Variants in NBPF9 observed in about 807,000 individuals in gnomAD.
NBPF9 encodes NBPF family member NBPF9.
A neutral mutation model predicts 97.8 loss-of-function variants in NBPF9; 91 were observed. The observed-to-expected ratio is 0.93, with a 90% confidence interval of 0.79 to 1.11. The LOEUF (loss-of-function observed/expected upper bound fraction) is 1.11. Among genes scored for constraint, NBPF9 ranks in the 50% least tolerant of loss-of-function variants. The probability of loss-of-function intolerance (pLI) is 0.00; values close to 1 mark genes in which losing one functional copy is unlikely to be tolerated. For synonymous variants in NBPF9, 334 were observed against 359.5 expected, an observed-to-expected ratio of 0.93 and a Z score of 0.80; for missense variants, 992 against 939.5, an observed-to-expected ratio of 1.06 and a Z score of -0.73.
At chr1:149,060,083 A>G in intron 24 of NBPF9, 1 of 295,202 alleles carries the variant, frequency 3.4e-6, no homozygotes, top group Non-Finnish European at 6.2e-6. Context: ...ATATTTTTCC[A>G]ATCAATTTAA....
intron 4 of NBPF9, among the ~76,000 whole-genome samples, chr1:149,095,727 G>A (rs2081714593): frequency 6.6e-6 from 1 of 152,014 alleles, no homozygotes; most frequent in African/African-American, 2.4e-5. Flanking sequence ...TTTGTTGTGA[G>A]GGAATTGCAC....
intron 11 of NBPF9, among the ~76,000 whole-genome samples, chr1:149,076,858 C>A (rs1289785624): frequency 6.6e-6 from 1 of 151,618 alleles, no homozygotes; most frequent in African/African-American, 2.4e-5. Flanking sequence ...GAGAGTCTAG[C>A]CTGACAGAAG....
chr1:149,059,699 C>T lies in NBPF9; in HGVS notation c.2585+1G>A. On this transcript the variant is annotated splice_donor_variant, in intron 25 of 29. Coordinates refer to ENST00000584027, the Ensembl canonical transcript of NBPF9. LOFTEE classifies it high-confidence loss of function. ...AAGGATCCAGAATTGCTGAAAGTCA[C>T]CTGGGGCATGGTGGGTTTTGATTTT... 2 of 566,516 alleles carry T rather than the reference C, an allele frequency of 3.5e-6. No individual in the cohort carries two copies. The highest frequency in any genetic ancestry group is 6.4e-6 in the Non-Finnish European group (2 of 314,724). The allele number at this position is 566,516 out of a possible 1,614,324, so 35.1% of individuals were successfully genotyped here. A position where few individuals can be genotyped will look rare whatever the true frequency, so the allele number is the denominator to read the frequency against.
rs1232635732 is a variant in NBPF9 at position 149,064,779 on chromosome 1, G to A, written c.1802-297C>T. Reference sequence around the variant, plus strand: ...TTCCCCAATAAATTGTAGGCAAATAGTTCTAACACCTCATAGGAGAGATAC... The same window carrying A: ...TTCCCCAATAAATTGTAGGCAAATAATTCTAACACCTCATAGGAGAGATAC... On this transcript the variant is annotated intron_variant, in intron 18 of 29. Coordinates refer to ENST00000584027, the Ensembl canonical transcript of NBPF9. The A allele has an allele frequency of 1.8e-5, 11 of 597,352 alleles. No homozygotes were observed. The East Asian group carries it at 2.4e-4, about 13-fold the overall frequency. 37.0% of individuals were successfully genotyped at this position (597,352 alleles called of 1,614,324 possible). A position where few individuals can be genotyped will look rare whatever the true frequency, so the allele number is the denominator to read the frequency against.
At chr1:149,085,464 C>A (rs1222077796) in intron 5 of NBPF9, among the ~76,000 whole-genome samples, 1 of 152,146 alleles carries the variant, frequency 6.6e-6, no homozygotes, top group Non-Finnish European at 1.5e-5. Flanking sequence ...TTTTCAAATA[C>A]ATTTTGAAAC....
At chr1:149,093,169 G>A (rs1436573545) in intron 4 of NBPF9, among the ~76,000 whole-genome samples, 4 of 151,708 alleles carry the variant, frequency 2.6e-5, no homozygotes, top group African/African-American at 9.7e-5. Context: ...CATAAACAAG[G>A]TAAAGAAAAA....
intron 4 of NBPF9, among the ~76,000 whole-genome samples, chr1:149,097,405 G>C (rs2081854051): frequency 6.6e-6 from 1 of 152,148 alleles, no homozygotes; most frequent in Non-Finnish European, 1.5e-5. Context: ...CAGAAACACT[G>C]AGTCTTGTCT....
At chr1:149,076,115 T>C (rs1553654261) in intron 11 of NBPF9, among the ~76,000 whole-genome samples, 1 of 152,212 alleles carries the variant, frequency 6.6e-6, no homozygotes, top group Non-Finnish European at 1.5e-5. Context: ...AAGCAAGGCT[T>C]GGCCCTGAGA....
At chr1:149,076,064 C>G (rs1352477599) in intron 11 of NBPF9, among the ~76,000 whole-genome samples, 200 bp from the exon 12 acceptor site, 1 of 152,138 alleles carries the variant, frequency 6.6e-6, no homozygotes, top group South Asian at 2.1e-4. Flanking sequence ...GAAACCAAGA[C>G]ATAAACACTT....
chr1:149,055,927 C>T (rs1179819187), intron 29 of NBPF9, 28 bp from the exon 30 acceptor site: 1 of 1,611,678 alleles, frequency 6.2e-7, no homozygotes, highest in South Asian at 1.1e-5. Flanking sequence ...ACTAAAGAAG[C>T]AGCCAGGGAA....
At chr1:149,058,071 A>C in intron 27 of NBPF9, 93 bp downstream of exon 27, 1 of 391,108 alleles carries the variant, frequency 2.6e-6, no homozygotes, top group Non-Finnish European at 4.3e-6. Context: ...GCTTGAAAAG[A>C]TGTAATCGAT....
rs1405076719 is a variant in NBPF9, at chr1:149,060,170, A to T, written c.2476+353T>A. On this transcript the variant is annotated intron_variant, in intron 24 of 29. Coordinates refer to ENST00000584027, the Ensembl canonical transcript of NBPF9. ...GTCTCATCAAATACTCAGATTGTTC[A>T]TGGTTGTGAGGACTTTAGACACTGA... is the stretch of plus-strand genomic sequence containing the variant. 120 of 190,032 alleles carry T rather than the reference A, an allele frequency of 6.3e-4. 19 individuals carry two copies. The highest frequency in any genetic ancestry group is 4.1e-3 in the African/African-American group (111 of 26,826). The allele number at this position is 190,032 out of a possible 1,614,324, so 11.8% of individuals were successfully genotyped here.
intron 4 of NBPF9, among the ~76,000 whole-genome samples, chr1:149,095,455 A>C (rs1279325478): frequency 1.4e-5 from 2 of 147,646 alleles, no homozygotes; most frequent in Non-Finnish European, 3.0e-5. Context: ...ATGAAAAAAA[A>C]ATTAAGTTGA....
At chr1:149,089,256 G>A (rs1207581448) in intron 5 of NBPF9, among the ~76,000 whole-genome samples, 2 of 152,136 alleles carry the variant, frequency 1.3e-5, no homozygotes, top group East Asian at 3.9e-4. Context: ...GCCTTGGTGA[G>A]GAGAATGCCT....
At chr1:149,092,970 G>A (rs1393998488) in intron 4 of NBPF9, among the ~76,000 whole-genome samples, 3 of 152,014 alleles carry the variant, frequency 2.0e-5, no homozygotes, top group African/African-American at 7.2e-5. Flanking sequence ...ACAAAGTACA[G>A]AGAAAGAAAA....
At chr1:149,069,737 T>C in intron 16 of NBPF9, 92 bp from the exon 17 acceptor site, 1 of 846,882 alleles carries the variant, frequency 1.2e-6, no homozygotes. Flanking sequence ...AGGACATAAC[T>C]ATTCTCAGTG....
chr1:149,100,182 G>A lies in NBPF9; in HGVS notation c.-606+1080C>T, dbSNP rs587655824. Among the ~76,000 whole-genome samples the A allele has an allele frequency of 8.5e-5, 12 of 140,902 alleles. No homozygotes were observed. In the South Asian group the frequency reaches 2.8e-3, roughly 33 times the overall value. The allele number at this position is 140,902 out of a possible 152,430, so 92.4% of individuals were successfully genotyped here. A position where few individuals can be genotyped will look rare whatever the true frequency, so the allele number is the denominator to read the frequency against. On this transcript the variant is annotated intron_variant, in intron 3 of 29. Coordinates refer to ENST00000584027, the Ensembl canonical transcript of NBPF9. ...CCTTGACAGGAAGATTGTAAAAATT[G>A]TAAAAAGATAAATAAATAAAGAGTC...
chr1:149,062,789 C>G (rs1456954049), intron 21 of NBPF9, 73 bp downstream of exon 21: 3 of 767,094 alleles, frequency 3.9e-6, no homozygotes, highest in Non-Finnish European at 7.1e-6. Context: ...ATTGAACACA[C>G]TCTTGTTTTC....
chr1:149,073,791 C>G lies in NBPF9; in HGVS notation c.1068G>C (p.Gln356His), dbSNP rs1553653603. The G allele has an allele frequency of 7.6e-6, 12 of 1,579,270 alleles. No individual in the cohort carries two copies. The South Asian group carries it at 1.1e-4, about 15-fold the overall frequency. ...ACCTGAGCTCCTCAGCTTGCTTCAGCTGCTCTGCAAGCTTCTCCTCCTTGA... is the reference window on the plus strand; with the variant it reads ...ACCTGAGCTCCTCAGCTTGCTTCAGGTGCTCTGCAAGCTTCTCCTCCTTGA... The change falls in exon 13 of 30, where the codon CAG becomes CAC. Residue 356 changes from glutamine to histidine, a missense_variant. Coordinates refer to ENST00000584027, the Ensembl canonical transcript of NBPF9.
Sources: allele counts gnomAD v4.1 joint callset (sites outside exome capture counted in the v4.1 genomes callset), GRCh38; gene constraint gnomAD v4.1.1; transcripts MANE v1.5; gene names NCBI Gene and HGNC (gene_info 2026-07-23, HGNC 2026-07-21).